Variants in SEL1L3 observed in about 807,000 individuals in gnomAD.
The protein encoded by SEL1L3 is protein sel-1 homolog 3.
In SEL1L3, 76 loss-of-function variants were observed where a neutral mutation model predicts 142.8. That is an observed-to-expected ratio of 0.53 (90% CI 0.44 to 0.64). SEL1L3 has a LOEUF of 0.64. Among genes scored for constraint, SEL1L3 ranks in the 30% least tolerant of loss-of-function variants. The probability of loss-of-function intolerance (pLI) is 0.00; values close to 1 mark genes in which losing one functional copy is unlikely to be tolerated. For missense variants in SEL1L3, 1,262 were observed against 1,381.7 expected, an observed-to-expected ratio of 0.91 and a Z score of 1.37; for synonymous variants, 504 against 519.6, an observed-to-expected ratio of 0.97 and a Z score of 0.41.
intron 6 of SEL1L3, among the ~76,000 whole-genome samples, chr4:25,823,477 G>A (rs919667853): frequency 6.6e-6 from 1 of 152,058 alleles, no homozygotes; most frequent in Non-Finnish European, 1.5e-5. Context: ...TTGCGCCACT[G>A]CACTCCAACC....
At chr4:25,736,441 C>T in the SEL1L3 span, among the ~76,000 whole-genome samples, 1 of 151,882 alleles carries the variant, frequency 6.6e-6, no homozygotes, top group Non-Finnish European at 1.5e-5. Flanking sequence ...CCACGCTGGT[C>T]TCGAACTCCT....
At chr4:25,719,358 G>A in the SEL1L3 span, 1 of 152,062 alleles carries the variant, frequency 6.6e-6, no homozygotes, top group East Asian at 1.9e-4. Flanking sequence ...ATGATACTTA[G>A]GGTAGGAACT....
chr4:25,718,220 G>T, the SEL1L3 span: 1 of 152,112 alleles, frequency 6.6e-6, no homozygotes, highest in Non-Finnish European at 1.5e-5. Flanking sequence ...ATTGTGTCTT[G>T]ATTAGCATAT....
chr4:25,734,121 T>G, the SEL1L3 span, among the ~76,000 whole-genome samples: 9 of 152,142 alleles, frequency 5.9e-5, no homozygotes, highest in African/African-American at 1.7e-4. Flanking sequence ...CCTCCCACGT[T>G]CAAGCCATTC....
chr4:25,765,334 C>G lies in SEL1L3; in HGVS notation c.2947G>C (p.Asp983His), dbSNP rs768486539. Residue 983 changes from aspartate to histidine, a missense_variant, in exon 20 of 24, where the codon GAC (aspartate) becomes CAC (histidine). Transcript: ENST00000399878. ...TTGCGGTTGCTGTTTACCTGGGAGTCTCCATCCAGGGCGGCTTGGGCGTAC... is the reference window on the plus strand; with the variant it reads ...TTGCGGTTGCTGTTTACCTGGGAGTGTCCATCCAGGGCGGCTTGGGCGTAC... The part of the protein sequence containing the change: ...QMYAQAALDG[D>H]SQGFFNLALL... The G allele has an allele frequency of 1.1e-5, 17 of 1,610,050 alleles. No individual in the cohort carries two copies. The highest frequency in any genetic ancestry group is 1.2e-5 in the Non-Finnish European group (14 of 1,176,456).
At chr4:25,819,077 T>C (rs984378608) in intron 8 of SEL1L3, among the ~76,000 whole-genome samples, 1 of 152,194 alleles carries the variant, frequency 6.6e-6, no homozygotes, top group African/African-American at 2.4e-5. Flanking sequence ...GAATTTCTCT[T>C]CCAGAAGGAA....
At chr4:25,792,246 C>T (rs1250306840) in intron 11 of SEL1L3, among the ~76,000 whole-genome samples, 4 of 152,072 alleles carry the variant, frequency 2.6e-5, no homozygotes, top group Admixed American at 2.6e-4. Flanking sequence ...AGCTTCGATC[C>T]AGGTATCACT....
chr4:25,789,144 A>G (rs959221984), intron 12 of SEL1L3, among the ~76,000 whole-genome samples: 7 of 152,160 alleles, frequency 4.6e-5, no homozygotes, highest in Admixed American at 2.6e-4. Flanking sequence ...TTCTAGTTCC[A>G]CATGGGTCCT....
At chr4:25,790,874 A>G (rs1046814661) in intron 11 of SEL1L3, among the ~76,000 whole-genome samples, 1 of 152,236 alleles carries the variant, frequency 6.6e-6, no homozygotes, top group Non-Finnish European at 1.5e-5. Context: ...AAGACATGAC[A>G]TTATTCTTAA....
In SEL1L3 at chr4:25,747,585, C is replaced by A; in HGVS notation, c.*840G>T. On this transcript the variant is annotated 3_prime_UTR_variant, in exon 24 of 24. Coordinates refer to ENST00000399878, the MANE Select transcript of SEL1L3 (RefSeq NM_015187.5). ...TCTTCCTCTTCCTCTCTAACACACA[C>A]ACACACACACACACACACATATCCC... is the stretch of plus-strand genomic sequence containing the variant. 1 of 152,000 alleles carries A rather than the reference C, an allele frequency of 6.6e-6. No individual in the cohort carries two copies. The highest frequency in any genetic ancestry group is 1.9e-4 in the East Asian group (1 of 5,162). 9.4% of individuals were successfully genotyped at this position (152,000 alleles called of 1,614,324 possible).
intron 1 of SEL1L3, among the ~76,000 whole-genome samples, chr4:25,855,371 A>G (rs1267441092): frequency 6.6e-6 from 1 of 152,246 alleles, no homozygotes; most frequent in African/African-American, 2.4e-5. Context: ...TTTAGAAATT[A>G]TGAGTTCAGA....
downstream of SEL1L3, among the ~76,000 whole-genome samples, chr4:25,745,396 A>C (rs75759374): frequency 8.5e-6 from 1 of 117,630 alleles, no homozygotes; most frequent in East Asian, 2.4e-4. Flanking sequence ...CTCAGTCTCA[A>C]AAAAAAAAAA....
chr4:25,856,593 TAAAAAA>T (rs397765802), intron 1 of SEL1L3, among the ~76,000 whole-genome samples: 1 of 117,122 alleles, frequency 8.5e-6, no homozygotes, highest in Non-Finnish European at 1.9e-5. Flanking sequence ...GTATTGTAAT[TAAAAAA>T]AAAAAAAAAA....
At chr4:25,850,518 A>G (rs557950930) in intron 1 of SEL1L3, among the ~76,000 whole-genome samples, 9 of 152,350 alleles carry the variant, frequency 5.9e-5, no homozygotes, top group Non-Finnish European at 1.3e-4. Context: ...TATGAGGCCA[A>G]TCAAGTAATA....
intron 11 of SEL1L3, among the ~76,000 whole-genome samples, chr4:25,795,629 C>T (rs1712682348): frequency 6.6e-6 from 1 of 152,278 alleles, no homozygotes; most frequent in Non-Finnish European, 1.5e-5. Context: ...CTAGAGTCCA[C>T]AGCCAGTGAG....
the SEL1L3 span, among the ~76,000 whole-genome samples, chr4:25,736,998 T>G: frequency 4.1e-3 from 631 of 152,138 alleles, 11 homozygotes; most frequent in Admixed American, 0.032. Flanking sequence ...TTTTTTTTCT[T>G]TTTTTTGAGA....
intron 6 of SEL1L3, among the ~76,000 whole-genome samples, chr4:25,822,491 G>A (rs1714828031): frequency 6.6e-6 from 1 of 152,186 alleles, no homozygotes; most frequent in African/African-American, 2.4e-5. Flanking sequence ...TATTGATAGT[G>A]GTGGTATTGT....
intron 9 of SEL1L3, among the ~76,000 whole-genome samples, chr4:25,816,642 TCTCA>T (rs1297844085): frequency 1.3e-5 from 2 of 152,110 alleles, no homozygotes; most frequent in Admixed American, 1.3e-4. Flanking sequence ...AAATCCCAGA[TCTCA>T]CTATGTCTCT....
chr4:25,743,099 TA>T (rs1252227961), downstream of SEL1L3, among the ~76,000 whole-genome samples: 2 of 152,158 alleles, frequency 1.3e-5, no homozygotes, highest in African/African-American at 4.8e-5. Context: ...AGACTCTAAC[TA>T]AAAAGGGCAG....
Sources: gnomAD v4.1 joint callset for allele counts (sites outside exome capture counted in the v4.1 genomes callset) on GRCh38, gnomAD v4.1.1 for gene constraint, MANE v1.5 for transcripts, NCBI Gene and HGNC (gene_info 2026-07-23, HGNC 2026-07-21) for gene names.